The following RFX2 variants were observed in gnomAD, a reference collection of about 807,000 sequenced individuals.
RFX2 encodes regulatory factor X2, also known as DNA-binding protein RFX2.
RFX2 carries 20 observed loss-of-function variants against 87.8 expected under a neutral mutation model. That is an observed-to-expected ratio of 0.23 (90% CI 0.16 to 0.33). RFX2 has a LOEUF of 0.33. RFX2 is among the 10% of genes least tolerant of loss of function. RFX2 has a pLI of 1.00. For missense variants in RFX2, 767 were observed against 1,012.3 expected, an observed-to-expected ratio of 0.76 and a Z score of 3.29; for synonymous variants, 397 against 431.3, an observed-to-expected ratio of 0.92 and a Z score of 0.98.
intron 7 of RFX2, among the ~76,000 whole-genome samples, chr19:6,014,303 G>A (rs2086696378): frequency 6.6e-6 from 1 of 151,858 alleles, no homozygotes; most frequent in Admixed American, 6.6e-5. Flanking sequence ...GTGCGATCTC[G>A]GCTCACTGCA....
At position 6,024,724 on chromosome 19, in the gene RFX2, C is replaced by T. The variant is rs192760218; in HGVS notation, c.597+1439G>A. Reference sequence around the variant, plus strand: ...AGTCAGGATGGAATCACAGTGAGGACGGGAGTGAGGACGGGATCACGGTGA... The same window carrying T: ...AGTCAGGATGGAATCACAGTGAGGATGGGAGTGAGGACGGGATCACGGTGA... On this transcript the variant is annotated intron_variant, in intron 6 of 17. Transcript: ENST00000303657. The surrounding 1 kb of genome is among the most constrained non-coding windows in gnomAD (Gnocchi z 5.0). Among the ~76,000 whole-genome samples the T allele has an allele frequency of 7.9e-5, 12 of 151,526 alleles. No homozygotes were observed. The highest frequency in any genetic ancestry group is 1.3e-4 in the Non-Finnish European group (9 of 67,820).
intron 1 of RFX2, among the ~76,000 whole-genome samples, chr19:6,077,686 G>A (rs2087711606): frequency 2.0e-5 from 3 of 152,186 alleles, no homozygotes. Context: ...ACTGATGGAT[G>A]GATAAACGAA....
At chr19:6,051,392 G>A (rs941718160) in intron 1 of RFX2, among the ~76,000 whole-genome samples, 1 of 152,160 alleles carries the variant, frequency 6.6e-6, no homozygotes, top group East Asian at 1.9e-4. Context: ...AGAGGATGGG[G>A]ACAAATTAAG....
chr19:6,052,163 C>T (rs1158601644), intron 1 of RFX2, among the ~76,000 whole-genome samples: 2 of 151,996 alleles, frequency 1.3e-5, no homozygotes, highest in Non-Finnish European at 2.9e-5. Flanking sequence ...GGTGTGAGCG[C>T]CACACTCAGC....
chr19:6,089,041 T>C (rs73549967), intron 1 of RFX2, among the ~76,000 whole-genome samples: 3,101 of 152,290 alleles, frequency 0.02, 123 homozygotes, highest in African/African-American at 0.072. Flanking sequence ...TCCAACTACT[T>C]AAAAATGTAG....
chr19:6,010,189 C>T lies in RFX2; in HGVS notation c.962G>A (p.Ser321Asn). 1.3e-6 allele frequency: 2 copies of T among 1,548,780 alleles called. No homozygotes were observed. Among genetic ancestry groups the T allele is most frequent in the Non-Finnish European group, 1.7e-6 (2 of 1,146,960 alleles). ...GDSGSHSGLH[S>N]TPEQTMAVQS... ...CACGGCCATGGTCTGTTCCGGAGTG[C>T]TGTGCAGGCCGCTGTGGGAGCCGCT... Residue 321 changes from serine to asparagine, a missense_variant, in exon 9 of 18, where the codon AGC (serine) becomes AAC (asparagine). Ser to Asn is a conservative substitution (Grantham distance 46, BLOSUM62 1). This residue lies in a region of RFX2 where 621 missense variants were observed against 873.0 expected (regional missense o/e 0.71). Transcript: ENST00000303657. The surrounding 1 kb of genome is among the most constrained non-coding windows in gnomAD (Gnocchi z 5.0).
rs1401636219 is a variant in RFX2 at position 6,016,707 on chromosome 19, G to A, written c.598-436C>T. Among the ~76,000 whole-genome samples, 3 of 152,132 alleles carry A rather than the reference G, an allele frequency of 2.0e-5. No homozygotes were observed. Among genetic ancestry groups the A allele is most frequent in the Non-Finnish European group, 4.4e-5 (3 of 68,022 alleles). The stretch of plus-strand genomic sequence containing the variant: ...TGCCTGGCCAGAAATCCATCTTTAT[G>A]GTCACTGATTTGAGTTCTCTAAGCA... On this transcript the variant is annotated intron_variant, in intron 6 of 17. Transcript: ENST00000303657. The surrounding 1 kb of genome is among the most constrained non-coding windows in gnomAD (Gnocchi z 5.4).
In RFX2 at chr19:6,074,298, C is replaced by T. The variant is rs973167381; in HGVS notation, c.-8-26794G>A. Among the ~76,000 whole-genome samples the T allele has an allele frequency of 1.3e-5, 2 of 152,178 alleles. No homozygotes were observed. Among genetic ancestry groups the T allele is most frequent in the African/African-American group, 2.4e-5 (1 of 41,434 alleles). On this transcript the variant is annotated intron_variant, in intron 1 of 17. Coordinates refer to ENST00000303657, the MANE Select transcript of RFX2 (RefSeq NM_000635.4). This position sits in a 1 kb window ranked among gnomAD's most constrained non-coding sequence, Gnocchi z 5.2. ...TGCCACAGTGTGGAGGAAGCTCCTC[C>T]TCTCATCCCAAGCTAGCCCCTTCCT... is the stretch of plus-strand genomic sequence containing the variant.
At position 6,007,563 on chromosome 19, in the gene RFX2, A is replaced by C; in HGVS notation, c.1247+127T>G. On this transcript the variant is annotated intron_variant, in intron 11 of 17. Transcript: ENST00000303657. The surrounding 1 kb of genome is among the most constrained non-coding windows in gnomAD (Gnocchi z 8.2). The stretch of plus-strand genomic sequence containing the variant: ...TCTACCAAGTCTAAAAATTACAGGG[A>C]TGGAGGCAGAGGGGTCTGAACCCTG... 1 of 633,936 alleles carries C rather than the reference A, an allele frequency of 1.6e-6. No individual in the cohort carries two copies. The highest frequency in any genetic ancestry group is 2.8e-6 in the Non-Finnish European group (1 of 352,990). 39.3% of individuals were successfully genotyped at this position (633,936 alleles called of 1,614,324 possible).
At position 6,016,332 on chromosome 19, in the gene RFX2, G is replaced by C. The variant is rs1421651281; in HGVS notation, c.598-61C>G. The C allele has an allele frequency of 8.1e-7, 1 of 1,238,724 alleles. No individual in the cohort carries two copies. Among genetic ancestry groups the C allele is most frequent in the East Asian group, 2.4e-5 (1 of 41,636 alleles). The allele number at this position is 1,238,724 out of a possible 1,614,324, so 76.7% of individuals were successfully genotyped here. A position where few individuals can be genotyped will look rare whatever the true frequency, so the allele number is the denominator to read the frequency against. On this transcript the variant is annotated intron_variant, in intron 6 of 17. Coordinates refer to ENST00000303657, the MANE Select transcript of RFX2 (RefSeq NM_000635.4). The surrounding 1 kb of genome is among the most constrained non-coding windows in gnomAD (Gnocchi z 5.4). ...GCCTGAGGAACGCTAACATGCCAAC[G>C]TGGACTCATTAAGAGAATTACTTGC...
Position 6,013,096 on chromosome 19 carries a change from C to T in RFX2, c.789G>A (p.Ser263=), listed in dbSNP as rs1306198872. The change falls in exon 8 of 18, where the codon TCG becomes TCA. Residue 263 remains serine, a synonymous_variant. Transcript: ENST00000303657. This position sits in a 1 kb window ranked among gnomAD's most constrained non-coding sequence, Gnocchi z 4.1. ...RTRRLGTRGN[S]KYHYYGIRLK... ...GACGAATCCCATAGTAATGGTACTT[C>T]GAGTTGCCCCTGGAAACCAAACATC... The T allele has an allele frequency of 5.7e-6, 9 of 1,587,966 alleles. No individual in the cohort carries two copies. Among genetic ancestry groups the T allele is most frequent in the Non-Finnish European group, 7.7e-6 (9 of 1,168,560 alleles).
chr19:6,033,921 G>A (rs1323070474), intron 5 of RFX2, among the ~76,000 whole-genome samples: 1 of 152,210 alleles, frequency 6.6e-6, no homozygotes, highest in Non-Finnish European at 1.5e-5. Flanking sequence ...TATCTTGAGT[G>A]TGGGAATGTC....
At chr19:6,081,731 T>G (rs1414978057) in intron 1 of RFX2, among the ~76,000 whole-genome samples, 1 of 152,200 alleles carries the variant, frequency 6.6e-6, no homozygotes, top group Non-Finnish European at 1.5e-5. Flanking sequence ...GGAGGGTGGA[T>G]CACCTGAGGT....
At chr19:6,003,132 T>G (rs1209935981) in intron 13 of RFX2, among the ~76,000 whole-genome samples, 1 of 152,192 alleles carries the variant, frequency 6.6e-6, no homozygotes, top group Admixed American at 6.5e-5. Flanking sequence ...ACTGTCGCCA[T>G]GCCCACTTCT....
chr19:6,100,778 A>G (rs2088111546), intron 1 of RFX2, among the ~76,000 whole-genome samples: 1 of 151,204 alleles, frequency 6.6e-6, no homozygotes, highest in African/African-American at 2.5e-5. Context: ...AGTCTCTCCA[A>G]TGAGCACACT....
Position 6,092,750 on chromosome 19 carries a change from G to GT in RFX2, c.-9+17642dup, listed in dbSNP as rs536872992. ...CGGGGGAGGGAGAGGCTGCCAGGGG[G>GT]TTTGAGCACCTCCTAAGTGGCCCAC... On this transcript the variant is annotated intron_variant, in intron 1 of 17. Coordinates refer to ENST00000303657, the MANE Select transcript of RFX2 (RefSeq NM_000635.4). Among the ~76,000 whole-genome samples, 219 of 152,222 alleles carry GT rather than the reference G, an allele frequency of 1.4e-3. 1 individual carries two copies. Among genetic ancestry groups the GT allele is most frequent in the African/African-American group, 5.2e-3 (214 of 41,518 alleles).
intron 1 of RFX2, among the ~76,000 whole-genome samples, chr19:6,095,656 G>A (rs1346935701): frequency 6.6e-6 from 1 of 152,068 alleles, no homozygotes; most frequent in African/African-American, 2.4e-5. Flanking sequence ...ACCAAGCTGG[G>A]TGGAGCTCGG....
rs760727320 is a variant in RFX2 at position 6,040,370 on chromosome 19, G to A, written c.261-129C>T. Reference sequence around the variant, plus strand: ...AGAGGCCAGACATATGGAGCAATTCGGACGTGGCATATGACACTCAAATGC... The same window carrying A: ...AGAGGCCAGACATATGGAGCAATTCAGACGTGGCATATGACACTCAAATGC... On this transcript the variant is annotated intron_variant, in intron 4 of 17. Transcript: ENST00000303657. The surrounding 1 kb of genome is among the most constrained non-coding windows in gnomAD (Gnocchi z 6.1). 4.0e-4 allele frequency: 378 copies of A among 947,430 alleles called. No individual in the cohort carries two copies. Among genetic ancestry groups the A allele is most frequent in the Non-Finnish European group, 5.3e-4 (354 of 663,370 alleles). The allele number at this position is 947,430 out of a possible 1,614,324, so 58.7% of individuals were successfully genotyped here.
chr19:6,047,370 T>C lies in RFX2; in HGVS notation c.90+37A>G. 1.3e-6 allele frequency: 2 copies of C among 1,551,624 alleles called. No homozygotes were observed. Among genetic ancestry groups the C allele is most frequent in the Non-Finnish European group, 1.8e-6 (2 of 1,137,562 alleles). On this transcript the variant is annotated intron_variant, in intron 2 of 17. Transcript: ENST00000303657. The surrounding 1 kb of genome is among the most constrained non-coding windows in gnomAD (Gnocchi z 4.2). ...AAACCCATAGAGATCGCGTCCACAC[T>C]GTGGCCACCCTGTTGTTGCTGAGAG...
Sources: allele counts gnomAD v4.1 joint callset (sites outside exome capture counted in the v4.1 genomes callset), GRCh38; gene constraint gnomAD v4.1.1; regional missense constraint gnomAD v4.1.1; non-coding constraint Gnocchi (gnomAD v3.1); transcripts MANE v1.5; gene names NCBI Gene and HGNC (gene_info 2026-07-23, HGNC 2026-07-21).